THSD7A: variants seen among roughly 807,000 people sequenced by gnomAD.
THSD7A encodes the protein thrombospondin type 1 domain containing 7A, also known as thrombospondin type-1 domain-containing protein 7A.
A neutral mutation model predicts 231.3 loss-of-function variants in THSD7A; 96 were observed. That is an observed-to-expected ratio of 0.41 (90% CI 0.35 to 0.49). The LOEUF (loss-of-function observed/expected upper bound fraction) is 0.49. Among genes scored for constraint, THSD7A ranks in the 20% least tolerant of loss-of-function variants. The pLI is 0.05. For synonymous variants in THSD7A, 940 were observed against 743.3 expected, an observed-to-expected ratio of 1.26 and a Z score of -4.30; for missense variants, 2,290 against 2,070.2, an observed-to-expected ratio of 1.11 and a Z score of -2.06.
At position 11,501,741 on chromosome 7, in the gene THSD7A, T is replaced by G. The variant is rs1230915905; in HGVS notation, c.1823-19759A>C. Among the ~76,000 whole-genome samples the G allele has an allele frequency of 5.9e-5, 9 of 151,838 alleles. 1 individual carries two copies. Among genetic ancestry groups the G allele is most frequent in the Non-Finnish European group, 1.5e-5 (1 of 67,908 alleles). Reference sequence around the variant, plus strand: ...AAAGAATTAGAGAAGCAATAGCAAATAAACCCTAAAGCTAGGAGAAGATGA... The same window carrying G: ...AAAGAATTAGAGAAGCAATAGCAAAGAAACCCTAAAGCTAGGAGAAGATGA... On this transcript the variant is annotated intron_variant, in intron 6 of 27. Coordinates refer to ENST00000423059, the MANE Select transcript of THSD7A (RefSeq NM_015204.3).
At chr7:11,552,253 A>T (rs1426773834) in intron 4 of THSD7A, among the ~76,000 whole-genome samples, 1 of 151,708 alleles carries the variant, frequency 6.6e-6, no homozygotes, top group Non-Finnish European at 1.5e-5. Context: ...CTATACACTA[A>T]CCCCCATGAC....
intron 1 of THSD7A, among the ~76,000 whole-genome samples, chr7:11,722,515 C>A (rs1781392165): frequency 6.6e-6 from 1 of 151,820 alleles, no homozygotes. Flanking sequence ...GGTCCTGTGG[C>A]CCCCACCCAG....
chr7:11,505,017 G>A (rs1037467604), intron 6 of THSD7A, among the ~76,000 whole-genome samples: 6 of 152,086 alleles, frequency 3.9e-5, no homozygotes, highest in African/African-American at 9.7e-5. Flanking sequence ...ATGCAGGCAT[G>A]TTTCAGAACT....
At chr7:11,540,608 G>C (rs995730105) in intron 6 of THSD7A, among the ~76,000 whole-genome samples, 1 of 152,194 alleles carries the variant, frequency 6.6e-6, no homozygotes, top group Non-Finnish European at 1.5e-5. Flanking sequence ...CCTTAGAGAT[G>C]ATCTTGTCCA....
chr7:11,402,741 T>G (rs1783449344), intron 22 of THSD7A, among the ~76,000 whole-genome samples: 1 of 152,218 alleles, frequency 6.6e-6, no homozygotes, highest in Non-Finnish European at 1.5e-5. Context: ...CTTTTTGGTG[T>G]CTGGCTTCTT....
intron 1 of THSD7A, among the ~76,000 whole-genome samples, chr7:11,801,263 T>C (rs1784267884): frequency 6.6e-6 from 1 of 152,222 alleles, no homozygotes; most frequent in South Asian, 2.1e-4. Context: ...TAGGTGTTTA[T>C]ACTGCCTCAT....
intron 1 of THSD7A, among the ~76,000 whole-genome samples, chr7:11,796,305 T>G (rs897968117): frequency 2.0e-5 from 3 of 150,818 alleles, no homozygotes; most frequent in African/African-American, 7.3e-5. Context: ...ATCATATCCA[T>G]TAAATTTTAA....
intron 18 of THSD7A, among the ~76,000 whole-genome samples, 191 bp downstream of exon 18, chr7:11,412,465 T>TATC (rs1273142610): frequency 6.6e-6 from 1 of 152,076 alleles, no homozygotes; most frequent in Non-Finnish European, 1.5e-5. Flanking sequence ...TTATTTCCTC[T>TATC]ATCTTAGTGT....
intron 6 of THSD7A, among the ~76,000 whole-genome samples, chr7:11,533,121 A>G (rs906830837): frequency 6.6e-6 from 1 of 152,220 alleles, no homozygotes; most frequent in Non-Finnish European, 1.5e-5. Flanking sequence ...CCAATGAGAT[A>G]TATAGAAAAC....
rs139762890 is a variant in THSD7A, at chr7:11,408,582, T to C, written c.3799-1159A>G. On this transcript the variant is annotated intron_variant, in intron 19 of 27. Coordinates refer to ENST00000423059, the MANE Select transcript of THSD7A (RefSeq NM_015204.3). The stretch of plus-strand genomic sequence containing the variant: ...TTAGGAGAATATAAGTTTTTAAAAC[T>C]AGTAATTCTTGGAATTTCCAAGACC... 2.5e-3 allele frequency among the ~76,000 whole-genome samples: 375 copies of C among 152,212 alleles called. 1 individual carries two copies. The highest frequency in any genetic ancestry group is 8.6e-3 in the African/African-American group (358 of 41,542).
At position 11,470,085 on chromosome 7, in the gene THSD7A, CAAA is replaced by C. The variant is rs981384292; in HGVS notation, c.2253-94_2253-92del. On this transcript the variant is annotated intron_variant, in intron 8 of 27. Transcript: ENST00000423059. ...TCTAGAATTTTCACTGGTAAAATTGCAAAACAAGTCACTCATCTGTATTATTTA... is the reference window on the plus strand; with the variant it reads ...TCTAGAATTTTCACTGGTAAAATTGCACAAGTCACTCATCTGTATTATTTA... 8 of 862,198 alleles carry C rather than the reference CAAA, an allele frequency of 9.3e-6. 1 individual carries two copies. Among genetic ancestry groups the C allele is most frequent in the African/African-American group, 3.3e-5 (2 of 59,802 alleles). The allele number at this position is 862,198 out of a possible 1,614,324, so 53.4% of individuals were successfully genotyped here.
intron 23 of THSD7A, among the ~76,000 whole-genome samples, chr7:11,393,680 T>C (rs189010505): frequency 8.5e-5 from 13 of 152,306 alleles, no homozygotes; most frequent in Non-Finnish European, 7.4e-5. Flanking sequence ...AATGACCTGA[T>C]GGAGCTGAAA....
chr7:11,579,312 C>A (rs1286893092), intron 4 of THSD7A, among the ~76,000 whole-genome samples: 1 of 152,200 alleles, frequency 6.6e-6, no homozygotes, highest in Non-Finnish European at 1.5e-5. Flanking sequence ...AGGCAGGGAA[C>A]AACCAGCCCT....
intron 4 of THSD7A, among the ~76,000 whole-genome samples, chr7:11,556,904 T>A (rs1234080436): frequency 6.6e-6 from 1 of 152,058 alleles, no homozygotes; most frequent in Admixed American, 6.6e-5. Context: ...TCTTTCGTTT[T>A]CAGATTTTTA....
At position 11,469,897 on chromosome 7, in the gene THSD7A, G is replaced by C. The variant is rs1468763040; in HGVS notation, c.2350C>G (p.Pro784Ala). The C allele has an allele frequency of 1.9e-6, 3 of 1,597,142 alleles. No individual in the cohort carries two copies. Among genetic ancestry groups the C allele is most frequent in the South Asian group, 2.3e-5 (2 of 87,908 alleles). The change falls in exon 9 of 28, where the codon CCC (proline) becomes GCC (alanine). Residue 784 changes from proline to alanine, a missense_variant. Physicochemically the swap from Pro to Ala is conservative, Grantham distance 27. Transcript: ENST00000423059. ...VTPYSDWTSC[P>A]SSCKEGDSSI... Reference sequence around the variant, plus strand: ...ACCATACCTTCTTTACACGAAGAGGGGCATGATGTCCAGTCACTATATGGG... The same window carrying C: ...ACCATACCTTCTTTACACGAAGAGGCGCATGATGTCCAGTCACTATATGGG...
intron 1 of THSD7A, among the ~76,000 whole-genome samples, chr7:11,827,780 T>C (rs1333084728): frequency 6.6e-6 from 1 of 152,354 alleles, no homozygotes; most frequent in African/African-American, 2.4e-5. Flanking sequence ...GGTCTAAATA[T>C]GTCATTGCTA....
At position 11,636,282 on chromosome 7, in the gene THSD7A, T is replaced by A. The variant is rs777131669; in HGVS notation, c.870A>T (p.Gly290=). The A allele has an allele frequency of 6.2e-7, 1 of 1,614,012 alleles. No homozygotes were observed. Among genetic ancestry groups the A allele is most frequent in the Non-Finnish European group, 8.5e-7 (1 of 1,179,892 alleles). ...NKEREKDRSK[G]VKDPEARELI... Reference sequence around the variant, plus strand: ...GCTCGCGGGCTTCTGGATCCTTTACTCCTTTGCTGCGGTCCTTTTCCCGTT... The same window carrying A: ...GCTCGCGGGCTTCTGGATCCTTTACACCTTTGCTGCGGTCCTTTTCCCGTT... The change falls in exon 2 of 28, where the codon GGA becomes GGT. Residue 290 remains glycine (G), a synonymous_variant. Transcript: ENST00000423059. This position sits in a 1 kb window ranked among gnomAD's most constrained non-coding sequence, Gnocchi z 10.0.
chr7:11,514,774 T>TA (rs1303250952), intron 6 of THSD7A, among the ~76,000 whole-genome samples: 14 of 152,314 alleles, frequency 9.2e-5, no homozygotes, highest in African/African-American at 3.1e-4. Flanking sequence ...GTTGCTTAAT[T>TA]AAAAATAAAT....
At chr7:11,420,794 G>A (rs1373970150) in intron 16 of THSD7A, among the ~76,000 whole-genome samples, 1 of 152,196 alleles carries the variant, frequency 6.6e-6, no homozygotes, top group Non-Finnish European at 1.5e-5. Context: ...AGAGCCACAG[G>A]GGTCGAGCTG....
Sources: allele counts gnomAD v4.1 joint callset (sites outside exome capture counted in the v4.1 genomes callset), GRCh38; gene constraint gnomAD v4.1.1; non-coding constraint Gnocchi (gnomAD v3.1); transcripts MANE v1.5; gene names NCBI Gene and HGNC (gene_info 2026-07-23, HGNC 2026-07-21).